The following TMF1 variants were observed in gnomAD, a reference collection of about 807,000 sequenced individuals.
The protein encoded by TMF1 is TATA element modulatory factor.
A neutral mutation model predicts 126.5 loss-of-function variants in TMF1; 71 were observed. The observed-to-expected ratio is 0.56, with a 90% CI of 0.46 to 0.68. TMF1 has a LOEUF of 0.68. Among genes scored for constraint, TMF1 ranks in the 30% least tolerant of loss-of-function variants. The probability of loss-of-function intolerance (pLI) is 0.00; values close to 1 mark genes in which losing one functional copy is unlikely to be tolerated. For synonymous variants in TMF1, 461 were observed against 430.5 expected (o/e 1.07, Z -0.88); for missense variants, 1,259 against 1,253.2 (o/e 1.00, Z -0.07).
intron 1 of TMF1, 126 bp downstream of exon 1, chr3:69,051,819 C>T: frequency 8.5e-7 from 1 of 1,170,546 alleles, no homozygotes; most frequent in Non-Finnish European, 1.2e-6. Flanking sequence ...GGGAACGGGC[C>T]GGGGAGAAAT....
At chr3:69,024,589 A>G (rs1360614798) in intron 15 of TMF1, among the ~76,000 whole-genome samples, 2 of 152,102 alleles carry the variant, frequency 1.3e-5, no homozygotes, top group Admixed American at 6.5e-5. Flanking sequence ...AAAGAAATTA[A>G]TTAGGTCCCT....
intron 1 of TMF1, among the ~76,000 whole-genome samples, chr3:69,049,414 G>A (rs2091913896): frequency 6.6e-6 from 1 of 152,100 alleles, no homozygotes; most frequent in Admixed American, 6.6e-5. Context: ...CCAAGATAAT[G>A]GTGACAAATG....
rs769975460 is a variant in TMF1 at position 69,048,289 on chromosome 3, A to G, written c.416T>C (p.Ile139Thr). The G allele has an allele frequency of 8.7e-6, 14 of 1,614,194 alleles. No homozygotes were observed. In the East Asian group the frequency reaches 2.9e-4, roughly 33 times the overall value. The change falls in exon 2 of 17, where the codon ATT becomes ACT. Residue 139 changes from isoleucine to threonine, a missense_variant. Ile to Thr is a moderately conservative substitution (Grantham distance 89). Transcript: ENST00000398559. ...TGTTTCAGGAGTTCTTGACTGGCCA[A>G]TGTGCAAGGATTCATGTAAGCTGCT... is the stretch of plus-strand genomic sequence containing the variant. ...VKSSLHESLH[I>T]GQSRTPETTE...
chr3:69,045,936 G>A (rs2091893274), intron 2 of TMF1, among the ~76,000 whole-genome samples: 1 of 151,760 alleles, frequency 6.6e-6, no homozygotes, highest in Non-Finnish European at 1.5e-5. Flanking sequence ...CGAGCCTATG[G>A]TCCCAGCTAC....
At chr3:69,049,998 G>A (rs1049534881) in intron 1 of TMF1, among the ~76,000 whole-genome samples, 3 of 152,038 alleles carry the variant, frequency 2.0e-5, no homozygotes, top group Admixed American at 6.6e-5. Flanking sequence ...AGTGGCTCAC[G>A]CTTGTAATCT....
rs1428049511 is a variant in TMF1, at chr3:69,034,592, C to A, written c.2244+431G>T. On this transcript the variant is annotated intron_variant, in intron 9 of 16. Coordinates refer to ENST00000398559, the MANE Select transcript of TMF1 (RefSeq NM_007114.3). ...ATCCAAACCTCTTAGTAGTTACCTC[C>A]TCATCCAAATATTTCTAAGTATTTA... is the stretch of plus-strand genomic sequence containing the variant. Among the ~76,000 whole-genome samples, 15 of 152,292 alleles carry A rather than the reference C, an allele frequency of 9.8e-5. 1 individual carries two copies. Among genetic ancestry groups the A allele is most frequent in the East Asian group, 5.8e-4 (3 of 5,184 alleles).
At chr3:69,051,838 G>GA in intron 1 of TMF1, 107 bp downstream of exon 1, 1 of 1,337,804 alleles carries the variant, frequency 7.5e-7, no homozygotes, top group East Asian at 2.6e-5. Context: ...ATTACTTCCT[G>GA]AAAACTCTCT....
Position 69,020,181 on chromosome 3 carries a change from T to C in TMF1, c.*2996A>G, listed in dbSNP as rs1162498107. ...TCTCAATAAATGCCAACTGAAGAGATGGAGAAAAAAAATTTCCTGAACATT... is the reference window on the plus strand; with the variant it reads ...TCTCAATAAATGCCAACTGAAGAGACGGAGAAAAAAAATTTCCTGAACATT... On this transcript the variant is annotated 3_prime_UTR_variant, in exon 17 of 17. Coordinates refer to ENST00000398559, the MANE Select transcript of TMF1 (RefSeq NM_007114.3). The C allele has an allele frequency of 6.6e-6, 1 of 152,134 alleles. No individual in the cohort carries two copies. The highest frequency in any genetic ancestry group is 1.9e-4 in the East Asian group (1 of 5,206). 9.4% of individuals were successfully genotyped at this position (152,134 alleles called of 1,614,324 possible).
Position 69,047,244 on chromosome 3 carries a change from C to G in TMF1, c.1347+114G>C, listed in dbSNP as rs185842953. The G allele has an allele frequency of 7.9e-6, 10 of 1,259,440 alleles. No individual in the cohort carries two copies. The African/African-American group carries it at 1.2e-4, about 15-fold the overall frequency. 78.0% of individuals were successfully genotyped at this position (1,259,440 alleles called of 1,614,324 possible). A position where few individuals can be genotyped will look rare whatever the true frequency, so the allele number is the denominator to read the frequency against. On this transcript the variant is annotated intron_variant, in intron 2 of 16. Coordinates refer to ENST00000398559, the MANE Select transcript of TMF1 (RefSeq NM_007114.3). ...AATGCTACACAGAAATGGCAAAATG[C>G]GTATGTTTTTAAATCTGTATAAATT...
chr3:69,033,927 C>CTTTT, intron 9 of TMF1: 1 of 350,916 alleles, frequency 2.8e-6, no homozygotes, highest in South Asian at 4.6e-5. Context: ...ACCTCCTAGG[C>CTTTT]TCAAGCGATC....
intron 10 of TMF1, 128 bp downstream of exon 10, chr3:69,033,420 A>G (rs1373129039): frequency 1.8e-6 from 2 of 1,082,700 alleles, no homozygotes; most frequent in Non-Finnish European, 2.5e-6. Context: ...GAGAAAATGT[A>G]AAAATCTACA....
intron 9 of TMF1, 186 bp downstream of exon 9, chr3:69,034,837 G>A: frequency 3.4e-6 from 2 of 591,550 alleles, no homozygotes; most frequent in South Asian, 4.1e-5. Flanking sequence ...ACAAAATAAG[G>A]AATTTCCTTG....
In TMF1 at chr3:69,026,063, G is replaced by A. The variant is rs992507867; in HGVS notation, c.2792C>T (p.Thr931Ile). Residue 931 changes from threonine to isoleucine, a missense_variant, in exon 14 of 17, where the codon ACC becomes ATC. Coordinates refer to ENST00000398559, the MANE Select transcript of TMF1 (RefSeq NM_007114.3). The stretch of plus-strand genomic sequence containing the variant: ...ACTTATTGAACTTGAGCGTGACATG[G>A]TGGGAGTGCTAGAAACAGAAAATGG... ...RKPFSVSSTPTMSRSSSISGV... is the reference protein window; with the variant it reads ...RKPFSVSSTPIMSRSSSISGV... 1.9e-6 allele frequency: 3 copies of A among 1,614,080 alleles called. No individual in the cohort carries two copies. The highest frequency in any genetic ancestry group is 1.7e-5 in the Admixed American group (1 of 60,012).
intron 5 of TMF1, among the ~76,000 whole-genome samples, chr3:69,040,632 T>C (rs1049835493): frequency 2.0e-5 from 3 of 152,008 alleles, no homozygotes; most frequent in Admixed American, 1.3e-4. Context: ...TAGCTTTAAG[T>C]TTTAAAAATA....
At position 69,022,258 on chromosome 3, in the gene TMF1, TCAAA is replaced by T. The variant is rs994373922; in HGVS notation, c.*915_*918del. The T allele has an allele frequency of 6.6e-6, 1 of 152,306 alleles. No individual in the cohort carries two copies. The highest frequency in any genetic ancestry group is 1.5e-5 in the Non-Finnish European group (1 of 68,024). The allele number at this position is 152,306 out of a possible 1,614,324, so 9.4% of individuals were successfully genotyped here. On this transcript the variant is annotated 3_prime_UTR_variant, in exon 17 of 17. Coordinates refer to ENST00000398559, the MANE Select transcript of TMF1 (RefSeq NM_007114.3). ...ATTTTGTTATGAATATTCTGTAATA[TCAAA>T]CATTCATTTTTAATGTGCTAAAAAT...
rs2091903307 is a variant in TMF1, at chr3:69,047,706, T to C, written c.999A>G (p.Ser333=). The C allele has an allele frequency of 6.2e-7, 1 of 1,614,148 alleles. No individual in the cohort carries two copies. Among genetic ancestry groups the C allele is most frequent in the Non-Finnish European group, 8.5e-7 (1 of 1,180,026 alleles). Reference sequence around the variant, plus strand: ...TTTCACTTACACTCCGGCTATCTAATGACTGTACACTAAATGAGTCTATTC... The same window carrying C: ...TTTCACTTACACTCCGGCTATCTAACGACTGTACACTAAATGAGTCTATTC... The part of the protein sequence containing the change: ...FERIDSFSVQ[S]LDSRSVSEIN... Residue 333 remains serine, a synonymous_variant, in exon 2 of 17, where the codon TCA becomes TCG. Transcript: ENST00000398559.
At position 69,048,463 on chromosome 3, in the gene TMF1, A is replaced by G; in HGVS notation, c.242T>C (p.Ile81Thr). The G allele has an allele frequency of 6.2e-7, 1 of 1,614,126 alleles. No homozygotes were observed. The highest frequency in any genetic ancestry group is 8.5e-7 in the Non-Finnish European group (1 of 1,180,028). The change falls in exon 2 of 17, where the codon ATC (isoleucine) becomes ACC (threonine). Residue 81 changes from isoleucine (I) to threonine (T), a missense_variant. Transcript: ENST00000398559. ...QSPPIASPKA[I>T]TKPVRRTVVD... ...CACAGTCCTCCGAACTGGCTTTGTG[A>G]TTGCTTTAGGAGAGGCTATTGGTGG...
chr3:69,026,663 A>C (rs2091769094), intron 13 of TMF1, among the ~76,000 whole-genome samples: 1 of 151,230 alleles, frequency 6.6e-6, no homozygotes, highest in East Asian at 1.9e-4. Context: ...TTACTAATTA[A>C]AACTGTAGCT....
Position 69,047,656 on chromosome 3 carries a change from C to T in TMF1, c.1049G>A (p.Gly350Asp). ...AATAGGCACTAAAGCATATCCCTTG[C>T]CTGACAATTCATCATCTGAATTGAT... ...SEINSDDELS[G>D]KGYALVPIIV... is the part of the protein sequence containing the mutation. Residue 350 changes from glycine to aspartate, a missense_variant, in exon 2 of 17, where the codon GGC becomes GAC. Transcript: ENST00000398559. 1.2e-6 allele frequency: 2 copies of T among 1,614,096 alleles called. No individual in the cohort carries two copies. Among genetic ancestry groups the T allele is most frequent in the African/African-American group, 1.3e-5 (1 of 75,046 alleles).
Sources: allele counts gnomAD v4.1 joint callset (sites outside exome capture counted in the v4.1 genomes callset), GRCh38; gene constraint gnomAD v4.1.1; transcripts MANE v1.5; gene names NCBI Gene and HGNC (gene_info 2026-07-23, HGNC 2026-07-21).